The following SEMA3D variants were observed in gnomAD, a reference collection of about 807,000 sequenced individuals.
SEMA3D encodes semaphorin 3D, also known as semaphorin-3D.
In SEMA3D, 84 loss-of-function variants were observed where a neutral mutation model predicts 100.1. The ratio of observed to expected loss-of-function variants is 0.84; its 90% confidence interval spans 0.70 to 1.01. The LOEUF (loss-of-function observed/expected upper bound fraction) is 1.01, where lower values mean the gene tolerates loss of function less well. SEMA3D is among the 50% of genes least tolerant of loss of function. SEMA3D has a pLI of 0.00. For missense variants in SEMA3D, 875 were observed against 934.1 expected (o/e 0.94, Z 0.82); for synonymous variants, 312 against 320.7 (o/e 0.97, Z 0.29).
intron 7 of SEMA3D, among the ~76,000 whole-genome samples, chr7:85,066,913 C>CACACACACACACACAG: frequency 2.2e-4 from 28 of 127,818 alleles, no homozygotes; most frequent in African/African-American, 8.8e-4. Flanking sequence ...CACACACACA[C>CACACACACACACACAG]AGAGAGAGAG....
chr7:85,081,437 T>TAATACACTAATAATACACTAATAATACAC, intron 5 of SEMA3D, 80 bp downstream of exon 5: 1 of 889,174 alleles, frequency 1.1e-6, no homozygotes, highest in East Asian at 2.5e-5. Context: ...ATACCATTAA[T>TAATACACTAATAATACACTAATAATACAC]TCAGTAAAGC....
chr7:85,199,637 G>C, the SEMA3D span, among the ~76,000 whole-genome samples: 1 of 152,038 alleles, frequency 6.6e-6, no homozygotes, highest in Middle Eastern at 3.4e-3. Context: ...TTTTAAATTT[G>C]TCCCATGCAT....
chr7:85,093,580 T>C (rs1028174885), intron 4 of SEMA3D, among the ~76,000 whole-genome samples: 3 of 152,062 alleles, frequency 2.0e-5, no homozygotes, highest in Non-Finnish European at 2.9e-5. Flanking sequence ...TCATATTATA[T>C]AACAAATTTT....
chr7:85,040,600 A>G, intron 11 of SEMA3D, 73 bp downstream of exon 11: 1 of 784,492 alleles, frequency 1.3e-6, no homozygotes, highest in Non-Finnish European at 2.2e-6. Context: ...AGGGACAAAA[A>G]GATCCTATAA....
the SEMA3D span, among the ~76,000 whole-genome samples, chr7:85,196,026 C>G: frequency 6.6e-6 from 1 of 151,922 alleles, no homozygotes; most frequent in African/African-American, 2.4e-5. Flanking sequence ...AAATGTTATT[C>G]CAAAATGTAT....
intron 2 of SEMA3D, among the ~76,000 whole-genome samples, chr7:85,150,391 T>C (rs1201418860): frequency 7.2e-6 from 1 of 139,058 alleles, no homozygotes; most frequent in African/African-American, 2.6e-5. Flanking sequence ...CACACACACA[T>C]ATATTTACAG....
At chr7:85,172,325 G>A (rs1791107546) in intron 1 of SEMA3D, among the ~76,000 whole-genome samples, 1 of 151,868 alleles carries the variant, frequency 6.6e-6, no homozygotes, top group South Asian at 2.1e-4. Flanking sequence ...ACAATTATGG[G>A]AATAGACTAA....
chr7:85,225,265 G>A, the SEMA3D span, among the ~76,000 whole-genome samples: 1 of 148,962 alleles, frequency 6.7e-6, no homozygotes, highest in East Asian at 2.0e-4. Context: ...AGAATAAGCT[G>A]TGTTCTTCTA....
the SEMA3D span, among the ~76,000 whole-genome samples, chr7:85,224,145 G>A: frequency 6.6e-6 from 1 of 152,116 alleles, no homozygotes; most frequent in Admixed American, 6.6e-5. Context: ...TTACTTAGAA[G>A]AGCACTGGGA....
At chr7:85,088,123 G>A (rs896935944) in intron 4 of SEMA3D, among the ~76,000 whole-genome samples, 1 of 151,992 alleles carries the variant, frequency 6.6e-6, no homozygotes, top group Non-Finnish European at 1.5e-5. Flanking sequence ...ATACTTAGAA[G>A]GGACTCATAA....
chr7:85,083,370 A>G (rs148573590), intron 4 of SEMA3D, among the ~76,000 whole-genome samples: 40 of 152,354 alleles, frequency 2.6e-4, no homozygotes, highest in African/African-American at 9.4e-4. Context: ...GCATGGACCA[A>G]TGGACAATGG....
At chr7:85,075,543 A>C (rs1340181166) in intron 5 of SEMA3D, among the ~76,000 whole-genome samples, 1 of 152,088 alleles carries the variant, frequency 6.6e-6, no homozygotes, top group Non-Finnish European at 1.5e-5. Context: ...TCCTGACTTG[A>C]CAAGGCATAC....
chr7:85,116,548 A>C (rs1789251424), intron 3 of SEMA3D, among the ~76,000 whole-genome samples: 1 of 151,186 alleles, frequency 6.6e-6, no homozygotes. Context: ...GCTCAGATAT[A>C]TTTTGTGAAT....
the SEMA3D span, among the ~76,000 whole-genome samples, chr7:85,205,310 T>G: frequency 6.6e-6 from 1 of 152,130 alleles, no homozygotes; most frequent in Non-Finnish European, 1.5e-5. Context: ...GTTTAAAAAG[T>G]AGATTTTAAA....
chr7:85,121,692 G>A (rs1789417062), intron 3 of SEMA3D, 49 bp downstream of exon 3: 22 of 1,051,548 alleles, frequency 2.1e-5, no homozygotes, highest in Non-Finnish European at 2.9e-5. Context: ...AATCAAAAAA[G>A]ACATTTCAAA....
At chr7:85,013,085 G>T (rs972873456) in intron 16 of SEMA3D, among the ~76,000 whole-genome samples, 1 of 151,516 alleles carries the variant, frequency 6.6e-6, no homozygotes, top group African/African-American at 2.4e-5. Context: ...ATTTAACTAC[G>T]CTTCTTTTTC....
chr7:85,186,911 C>G lies in SEMA3D; in HGVS notation c.-406G>C, dbSNP rs1397813319. 6.6e-6 allele frequency: 1 copy of G among 152,164 alleles called. No individual in the cohort carries two copies. The allele number at this position is 152,164 out of a possible 1,614,324, so 9.4% of individuals were successfully genotyped here. A position where few individuals can be genotyped will look rare whatever the true frequency, so the allele number is the denominator to read the frequency against. ...GGGCGCTGCTGCCTCCCCCGAGAGCCGCGCTAGGACAGGCGGAGAGCAAGG... is the reference window on the plus strand; with the variant it reads ...GGGCGCTGCTGCCTCCCCCGAGAGCGGCGCTAGGACAGGCGGAGAGCAAGG... On this transcript the variant is annotated 5_prime_UTR_variant, in exon 1 of 19. Coordinates refer to ENST00000284136, the MANE Select transcript of SEMA3D (RefSeq NM_001384900.1).
intron 9 of SEMA3D, among the ~76,000 whole-genome samples, chr7:85,043,069 T>C (rs1249667332): frequency 6.6e-6 from 1 of 152,174 alleles, no homozygotes; most frequent in Non-Finnish European, 1.5e-5. Flanking sequence ...ATATGCGTAA[T>C]AATACACATA....
intron 12 of SEMA3D, among the ~76,000 whole-genome samples, chr7:85,035,736 T>C (rs1462609114): frequency 1.3e-5 from 2 of 152,044 alleles, no homozygotes; most frequent in Admixed American, 6.6e-5. Context: ...TCATGTTAAA[T>C]GTTCTTATCA....
Sources: allele counts gnomAD v4.1 joint callset (sites outside exome capture counted in the v4.1 genomes callset), GRCh38; gene constraint gnomAD v4.1.1; transcripts MANE v1.5; gene names NCBI Gene and HGNC (gene_info 2026-07-23, HGNC 2026-07-21).